The following STK32B variants were observed in gnomAD, a reference collection of about 807,000 sequenced individuals.
STK32B encodes serine/threonine-protein kinase 32B.
Under a neutral mutation model 52.6 loss-of-function variants are expected in STK32B, and 43 were observed. The ratio of observed to expected loss-of-function variants is 0.82; its 90% confidence interval spans 0.64 to 1.05. The LOEUF is 1.05. Among genes scored for constraint, STK32B ranks in the 50% least tolerant of loss-of-function variants. The probability of loss-of-function intolerance (pLI) is 0.00; values close to 1 mark genes in which losing one functional copy is unlikely to be tolerated. For synonymous variants in STK32B, 238 were observed against 204.3 expected, an observed-to-expected ratio of 1.17 and a Z score of -1.41; for missense variants, 621 against 534.6, an observed-to-expected ratio of 1.16 and a Z score of -1.59.
chr4:5,319,363 C>T (rs145516056), intron 3 of STK32B, among the ~76,000 whole-genome samples: 1 of 152,180 alleles, frequency 6.6e-6, no homozygotes, highest in South Asian at 2.1e-4. Flanking sequence ...TGCTCTCCTG[C>T]CTAAAGCAAA....
At chr4:5,038,555 T>C in the STK32B span, among the ~76,000 whole-genome samples, 1 of 152,240 alleles carries the variant, frequency 6.6e-6, no homozygotes, top group Non-Finnish European at 1.5e-5. Flanking sequence ...GCTACTGTAC[T>C]GAACACCATA....
intron 3 of STK32B, among the ~76,000 whole-genome samples, chr4:5,174,573 C>T (rs557844384): frequency 1.1e-4 from 16 of 152,186 alleles, no homozygotes; most frequent in South Asian, 4.2e-4. Flanking sequence ...CATAGTTTGG[C>T]GGGATATGAA....
At chr4:5,256,823 T>C (rs967508678) in intron 3 of STK32B, among the ~76,000 whole-genome samples, 4 of 152,162 alleles carry the variant, frequency 2.6e-5, no homozygotes, top group Non-Finnish European at 2.9e-5. Flanking sequence ...AAATGAACGA[T>C]GTCAGGTGTT....
chr4:5,206,052 C>G (rs1304785121), intron 3 of STK32B, among the ~76,000 whole-genome samples: 1 of 152,176 alleles, frequency 6.6e-6, no homozygotes, highest in East Asian at 1.9e-4. Context: ...AACCAAAAAT[C>G]TTTATAGTAC....
intron 11 of STK32B, among the ~76,000 whole-genome samples, chr4:5,490,098 GT>G (rs1719588530): frequency 6.9e-6 from 1 of 145,196 alleles, no homozygotes; most frequent in African/African-American, 2.5e-5. Context: ...TCTTTTTGTT[GT>G]TTTAAGTAGG....
intron 11 of STK32B, among the ~76,000 whole-genome samples, chr4:5,493,277 G>A (rs1214062636): frequency 4.6e-5 from 7 of 152,136 alleles, no homozygotes; most frequent in Non-Finnish European, 1.0e-4. Context: ...GGTCTATTCA[G>A]AGATTCAACT....
chr4:5,145,849 C>A (rs1197696441), intron 2 of STK32B, among the ~76,000 whole-genome samples: 1 of 152,080 alleles, frequency 6.6e-6, no homozygotes, highest in East Asian at 1.9e-4. Flanking sequence ...TCGATAAGAT[C>A]CAATTTGTTG....
intron 1 of STK32B, among the ~76,000 whole-genome samples, chr4:5,093,020 T>C (rs1713181394): frequency 1.3e-5 from 2 of 152,178 alleles, no homozygotes; most frequent in African/African-American, 4.8e-5. Flanking sequence ...ACAACATGGA[T>C]TTGAACTGTG....
intron 3 of STK32B, among the ~76,000 whole-genome samples, chr4:5,224,970 G>T (rs759234700): frequency 4.6e-5 from 7 of 152,134 alleles, no homozygotes; most frequent in Non-Finnish European, 1.0e-4. Flanking sequence ...CCTATTTAAA[G>T]TGTTCTCGGT....
At chr4:5,434,403 T>G (rs928639291) in intron 6 of STK32B, among the ~76,000 whole-genome samples, 2 of 151,234 alleles carry the variant, frequency 1.3e-5, no homozygotes, top group Admixed American at 6.6e-5. Flanking sequence ...ATATAAAACA[T>G]AGAGAGTATA....
At chr4:5,123,454 T>C (rs1349736686) in intron 1 of STK32B, among the ~76,000 whole-genome samples, 2 of 152,150 alleles carry the variant, frequency 1.3e-5, no homozygotes, top group African/African-American at 2.4e-5. Flanking sequence ...ATTGTTATCA[T>C]ATTTGCTTGT....
At chr4:5,243,938 C>A (rs997337292) in intron 3 of STK32B, among the ~76,000 whole-genome samples, 19 of 152,130 alleles carry the variant, frequency 1.2e-4, no homozygotes, top group Non-Finnish European at 2.6e-4. Context: ...CCCACTTGAT[C>A]ATGGTGGATA....
At chr4:5,119,002 A>G (rs1714884460) in intron 1 of STK32B, among the ~76,000 whole-genome samples, 1 of 152,084 alleles carries the variant, frequency 6.6e-6, no homozygotes, top group Non-Finnish European at 1.5e-5. Flanking sequence ...TTGTTTTCCT[A>G]ATTTTCTTCC....
intron 3 of STK32B, among the ~76,000 whole-genome samples, chr4:5,225,747 G>A (rs1417751190): frequency 6.6e-6 from 1 of 152,200 alleles, no homozygotes; most frequent in Admixed American, 6.5e-5. Context: ...CTCAAGGAAG[G>A]AACAAGAGCA....
chr4:5,088,418 C>A (rs569817252), intron 1 of STK32B, among the ~76,000 whole-genome samples: 1 of 151,960 alleles, frequency 6.6e-6, no homozygotes, highest in African/African-American at 2.4e-5. Flanking sequence ...TGACTGTAAT[C>A]AATAATAATT....
intron 3 of STK32B, among the ~76,000 whole-genome samples, chr4:5,300,749 A>G (rs1414227842): frequency 6.6e-6 from 1 of 152,158 alleles, no homozygotes; most frequent in Non-Finnish European, 1.5e-5. Flanking sequence ...AAAGATTCCT[A>G]CAAGGAGAAC....
the STK32B span, among the ~76,000 whole-genome samples, chr4:5,023,965 G>A: frequency 6.6e-6 from 1 of 152,192 alleles, no homozygotes; most frequent in Non-Finnish European, 1.5e-5. Context: ...TGTAGGCTGT[G>A]TGTTACAGAA....
At chr4:5,350,454 A>G (rs967808308) in intron 4 of STK32B, among the ~76,000 whole-genome samples, 1 of 152,154 alleles carries the variant, frequency 6.6e-6, no homozygotes, top group Non-Finnish European at 1.5e-5. Context: ...AACTCCCACC[A>G]TGAAAACACA....
intron 3 of STK32B, among the ~76,000 whole-genome samples, chr4:5,221,423 T>C (rs560733643): frequency 1.3e-5 from 2 of 152,224 alleles, no homozygotes; most frequent in East Asian, 1.9e-4. Context: ...AGATAATACC[T>C]CTGTGTAAGG....
Sources: allele counts gnomAD v4.1 joint callset (sites outside exome capture counted in the v4.1 genomes callset), GRCh38; gene constraint gnomAD v4.1.1; transcripts MANE v1.5; gene names NCBI Gene and HGNC (gene_info 2026-07-23, HGNC 2026-07-21).